The following VSTM1 variants were observed in gnomAD, a reference collection of about 807,000 sequenced individuals.
VSTM1 encodes the protein V-set and transmembrane domain containing 1.
A neutral mutation model predicts 33.1 loss-of-function variants in VSTM1; 27 were observed. The observed-to-expected ratio is 0.82, with a 90% CI of 0.60 to 1.12. The LOEUF (loss-of-function observed/expected upper bound fraction) is 1.12. Ranked by LOEUF, VSTM1 falls within the 50% of genes most tolerant of loss-of-function variation. The pLI, the probability that VSTM1 is intolerant of heterozygous loss-of-function variation, is 0.00. For synonymous variants in VSTM1, 115 were observed against 110.3 expected, an observed-to-expected ratio of 1.04 and a Z score of -0.27; for missense variants, 304 against 288.9, an observed-to-expected ratio of 1.05 and a Z score of -0.38.
intron 3 of VSTM1, chr19:54,052,874 T>G: frequency 7.0e-6 from 1 of 142,696 alleles, no homozygotes. Flanking sequence ...CTCAGATGCT[T>G]GGGAGGCTGA....
intron 3 of VSTM1, among the ~76,000 whole-genome samples, chr19:54,057,604 G>A (rs2071164588): frequency 6.6e-6 from 1 of 151,686 alleles, no homozygotes; most frequent in South Asian, 2.1e-4. Flanking sequence ...GAGGTCAGCA[G>A]TTCGAGATCA....
chr19:54,051,486 C>T, intron 3 of VSTM1, 38 bp from the exon 4 acceptor site: 1 of 1,552,256 alleles, frequency 6.4e-7, no homozygotes, highest in Non-Finnish European at 8.7e-7. Context: ...TTACACTAAT[C>T]ATACAGGAAC....
intron 3 of VSTM1, among the ~76,000 whole-genome samples, chr19:54,054,125 A>G (rs62147266): frequency 0.21 from 29,078 of 141,204 alleles, 6,738 homozygotes; most frequent in East Asian, 0.3. Context: ...AAAGCAGCAA[A>G]CAGATTGTAT....
At chr19:54,043,833 GA>G (rs1431949404) in intron 4 of VSTM1, among the ~76,000 whole-genome samples, 1 of 152,110 alleles carries the variant, frequency 6.6e-6, no homozygotes, top group African/African-American at 2.4e-5. Context: ...AGAGAGATGT[GA>G]AAGGACGGGA....
chr19:54,058,486 C>A lies in VSTM1; in HGVS notation c.175G>T (p.Val59Leu). The A allele has an allele frequency of 6.2e-7, 1 of 1,614,126 alleles. No homozygotes were observed. The highest frequency in any genetic ancestry group is 8.5e-7 in the Non-Finnish European group (1 of 1,180,034). ...CCAGAGTCGTTCACCTTGCGCAGCA[C>A]AAATGTCACATTCTGGGAATGAGCC... is the stretch of plus-strand genomic sequence containing the variant. ...CQAHSQNVTF[V>L]LRKVNDSGYK... The change falls in exon 3 of 9, where the codon GTG (valine) becomes TTG (leucine). Residue 59 changes from valine to leucine, a missense_variant. Transcript: ENST00000338372.
chr19:54,041,884 G>A (rs1451123253), intron 7 of VSTM1, 32 bp downstream of exon 7: 45 of 1,613,892 alleles, frequency 2.8e-5, no homozygotes, highest in African/African-American at 5.3e-5. Flanking sequence ...CTTTCTATCC[G>A]GTGATTCCCT....
chr19:54,048,013 C>T (rs1017730623), intron 4 of VSTM1, among the ~76,000 whole-genome samples: 9 of 152,326 alleles, frequency 5.9e-5, no homozygotes, highest in African/African-American at 2.2e-4. Flanking sequence ...AATTCATCTT[C>T]ATTCTCTACA....
chr19:54,053,985 G>T (rs1600143479), intron 3 of VSTM1, among the ~76,000 whole-genome samples: 1 of 141,758 alleles, frequency 7.1e-6, no homozygotes, highest in Non-Finnish European at 1.6e-5. Context: ...AGGGTGAATG[G>T]GCAGCTATTT....
chr19:54,059,064 T>A (rs1025578674), intron 1 of VSTM1, among the ~76,000 whole-genome samples: 4 of 146,530 alleles, frequency 2.7e-5, no homozygotes, highest in African/African-American at 9.9e-5. Flanking sequence ...TCTTTCTTTT[T>A]TTTTTTTTTT....
intron 4 of VSTM1, among the ~76,000 whole-genome samples, chr19:54,044,414 G>A (rs1465333026): frequency 6.6e-6 from 1 of 152,046 alleles, no homozygotes; most frequent in African/African-American, 2.4e-5. Flanking sequence ...TAAAAAATAA[G>A]CTGGGCATGG....
chr19:54,041,062 C>T lies in VSTM1; in HGVS notation c.610G>A (p.Val204Met), dbSNP rs779868862. 3 of 1,594,458 alleles carry T rather than the reference C, an allele frequency of 1.9e-6. No individual in the cohort carries two copies. Among genetic ancestry groups the T allele is most frequent in the Admixed American group, 3.6e-5 (2 of 55,892 alleles). ...VSLSTADPQG[V>M]TYAELSTSAL... ...CTGGTGCTTAGCTCAGCATAGGTCACTCCTTGGGGGTCTGCCGTCTTTGGA... is the reference window on the plus strand; with the variant it reads ...CTGGTGCTTAGCTCAGCATAGGTCATTCCTTGGGGGTCTGCCGTCTTTGGA... Residue 204 changes from valine to methionine, a missense_variant, in exon 9 of 9, where the codon GTG becomes ATG. By Grantham distance (21) the Val-to-Met change is conservative (BLOSUM62 1). Transcript: ENST00000338372.
At position 54,057,342 on chromosome 19, in the gene VSTM1, C is replaced by T. The variant is rs184736478; in HGVS notation, c.355+964G>A. On this transcript the variant is annotated intron_variant, in intron 3 of 8. Transcript: ENST00000338372. ...AAGACCAGCCTGGGCAACATAGATC[C>T]TGTCTCAACAAGTAATTTAAAAATT... Among the ~76,000 whole-genome samples the T allele has an allele frequency of 3.1e-4, 43 of 140,628 alleles. 6 individuals carry two copies. The highest frequency in any genetic ancestry group is 9.9e-4 in the African/African-American group (38 of 38,346). The allele number at this position is 140,628 out of a possible 152,430, so 92.3% of individuals were successfully genotyped here. A position where few individuals can be genotyped will look rare whatever the true frequency, so the allele number is the denominator to read the frequency against.
At chr19:54,050,734 C>T (rs1439049483) in intron 4 of VSTM1, among the ~76,000 whole-genome samples, 2 of 152,100 alleles carry the variant, frequency 1.3e-5, no homozygotes, top group Non-Finnish European at 2.9e-5. Context: ...AATCCCAACA[C>T]TTTGAGAGGC....
chr19:54,050,269 G>A (rs540196620), intron 4 of VSTM1, among the ~76,000 whole-genome samples: 1 of 151,896 alleles, frequency 6.6e-6, no homozygotes, highest in Non-Finnish European at 1.5e-5. Context: ...AAAGTGCTGG[G>A]ATTACAGATG....
At chr19:54,062,572 A>C (rs1166809308) in intron 1 of VSTM1, among the ~76,000 whole-genome samples, 4 of 151,526 alleles carry the variant, frequency 2.6e-5, no homozygotes, top group Admixed American at 6.6e-5. Flanking sequence ...AAAACACAAA[A>C]AATTAGCCAG....
intron 4 of VSTM1, among the ~76,000 whole-genome samples, chr19:54,045,315 T>C (rs2070519335): frequency 6.6e-6 from 1 of 152,144 alleles, no homozygotes; most frequent in South Asian, 2.1e-4. Context: ...ATCCAATCTA[T>C]CCGTCCTATC....
chr19:54,044,398 A>G (rs1020056674), intron 4 of VSTM1, among the ~76,000 whole-genome samples: 8 of 152,058 alleles, frequency 5.3e-5, no homozygotes, highest in Admixed American at 1.3e-4. Context: ...GTCTCTACTG[A>G]AAATATAAAA....
chr19:54,060,903 C>G (rs186225505), intron 1 of VSTM1, among the ~76,000 whole-genome samples: 191 of 152,150 alleles, frequency 1.3e-3, no homozygotes, highest in African/African-American at 4.1e-3. Context: ...GTTGCCCAGG[C>G]TGGTCTCGAA....
chr19:54,061,789 G>A (rs568231259), intron 1 of VSTM1, among the ~76,000 whole-genome samples: 260 of 152,130 alleles, frequency 1.7e-3, no homozygotes, highest in Middle Eastern at 0.01. Flanking sequence ...ACTCCGGCCT[G>A]GGCAACTGAG....
Sources: allele counts gnomAD v4.1 joint callset (sites outside exome capture counted in the v4.1 genomes callset), GRCh38; gene constraint gnomAD v4.1.1; transcripts MANE v1.5; gene names NCBI Gene and HGNC (gene_info 2026-07-23, HGNC 2026-07-21).